The following PCDHA5 variants were observed in gnomAD, a reference collection of about 807,000 sequenced individuals.
The protein encoded by PCDHA5 is protocadherin alpha-5.
PCDHA5 carries 43 observed loss-of-function variants against 61.6 expected under a neutral mutation model. That is an observed-to-expected ratio of 0.70 (90% confidence interval 0.55 to 0.90). The LOEUF is 0.90. PCDHA5 is among the 40% of genes least tolerant of loss of function. The probability of loss-of-function intolerance (pLI) is 0.00; values close to 1 mark genes in which losing one functional copy is unlikely to be tolerated. For synonymous variants in PCDHA5, 627 were observed against 543.9 expected (o/e 1.15, Z -2.13); for missense variants, 1,298 against 1,222.7 (o/e 1.06, Z -0.92).
intron 3 of PCDHA5, among the ~76,000 whole-genome samples, chr5:140,990,165 G>A (rs2097378132): frequency 6.6e-6 from 1 of 152,126 alleles, no homozygotes; most frequent in African/African-American, 2.4e-5. Flanking sequence ...GTTAGGGTAT[G>A]AAAAGGTGAC....
In PCDHA5 at chr5:140,821,698, T is replaced by C. The variant is rs1554128149; in HGVS notation, c.-78T>C. 7.1e-7 allele frequency: 1 copy of C among 1,403,310 alleles called. No homozygotes were observed. The highest frequency in any genetic ancestry group is 1.4e-5 in the African/African-American group (1 of 69,276). 86.9% of individuals were successfully genotyped at this position (1,403,310 alleles called of 1,614,324 possible). Reference sequence around the variant, plus strand: ...GAAAGGCGATAATATAAAAAATATATAGTTAATTGGGAATTGAATTTACAA... The same window carrying C: ...GAAAGGCGATAATATAAAAAATATACAGTTAATTGGGAATTGAATTTACAA... On this transcript the variant is annotated 5_prime_UTR_variant, in exon 1 of 4. Coordinates refer to ENST00000529859, the MANE Select transcript of PCDHA5 (RefSeq NM_018908.3).
intron 1 of PCDHA5, chr5:140,862,752 G>A (rs554442218): frequency 5.2e-6 from 3 of 577,754 alleles, no homozygotes; most frequent in East Asian, 4.7e-5. Flanking sequence ...TGCACGCGGA[G>A]AGCGGCAAGA....
At chr5:140,829,781 G>A (rs1554132238) in intron 1 of PCDHA5, 4 of 1,613,710 alleles carry the variant, frequency 2.5e-6, no homozygotes, top group African/African-American at 2.7e-5. Context: ...CAACGCGCCG[G>A]CGCTGCTGGC....
At chr5:140,987,982 C>T (rs781838400) in intron 3 of PCDHA5, among the ~76,000 whole-genome samples, 16 of 152,206 alleles carry the variant, frequency 1.1e-4, no homozygotes, top group Non-Finnish European at 1.5e-4. Flanking sequence ...TCCATGGAGA[C>T]TCCATCTCTG....
At chr5:140,883,522 A>G in intron 1 of PCDHA5, 1 of 1,614,220 alleles carries the variant, frequency 6.2e-7, no homozygotes, top group Middle Eastern at 1.7e-4. Flanking sequence ...GCGAGAGCGT[A>G]TCAGCCTATG....
intron 1 of PCDHA5, among the ~76,000 whole-genome samples, chr5:140,925,358 C>A (rs1554202714): frequency 8.5e-5 from 13 of 152,094 alleles, no homozygotes; most frequent in Non-Finnish European, 1.9e-4. Flanking sequence ...GAATTTAGTG[C>A]TTCATAGTCA....
rs149764673 is a variant in PCDHA5 at position 140,835,585 on chromosome 5, T to A, written c.2352+11458T>A. 1.9e-6 allele frequency: 3 copies of A among 1,613,790 alleles called. No individual in the cohort carries two copies. The highest frequency in any genetic ancestry group is 1.3e-5 in the African/African-American group (1 of 74,926). On this transcript the variant is annotated intron_variant, in intron 1 of 3. Transcript: ENST00000529859. ...GTTCCCTTCAAGTTGGTGTCCACCT[T>A]CAAGAATTACTATTCATTGGTGCTG...
chr5:140,829,603 G>T lies in PCDHA5; in HGVS notation c.2352+5476G>T, dbSNP rs2150171045. On this transcript the variant is annotated intron_variant, in intron 1 of 3. Transcript: ENST00000529859. ...AGCGGCGGGTGGGCGAGCGCGCGTT[G>T]TCGAGCTACATTTCGGTGCACGCGG... The T allele has an allele frequency of 1.9e-6, 3 of 1,612,072 alleles. No individual in the cohort carries two copies. In the South Asian group the frequency reaches 3.3e-5, roughly 18 times the overall value.
intron 1 of PCDHA5, chr5:140,869,089 C>G: frequency 6.3e-7 from 1 of 1,588,998 alleles, no homozygotes; most frequent in Non-Finnish European, 8.6e-7. Context: ...ATTTTGGAAG[C>G]CAATTTCGTA....
intron 1 of PCDHA5, chr5:140,878,061 AT>A (rs2057460632): frequency 2.4e-6 from 1 of 424,416 alleles, no homozygotes; most frequent in Non-Finnish European, 3.8e-6. Context: ...CACACTTAAT[AT>A]TTTTCTTTTT....
intron 1 of PCDHA5, chr5:140,829,303 C>T: frequency 1.2e-6 from 2 of 1,614,248 alleles, no homozygotes; most frequent in Non-Finnish European, 1.7e-6. Context: ...TCAAGAATTA[C>T]TACTCGTTGG....
intron 1 of PCDHA5, chr5:140,836,028 G>A: frequency 6.2e-7 from 1 of 1,613,510 alleles, no homozygotes; most frequent in Non-Finnish European, 8.5e-7. Context: ...GGGCAGCAAC[G>A]TGACGCTGCA....
chr5:140,843,146 T>C (rs2150353849), intron 1 of PCDHA5: 3 of 1,596,012 alleles, frequency 1.9e-6, no homozygotes, highest in Admixed American at 3.4e-5. Context: ...GTGGCTTTCG[T>C]ATGAGCTGCA....
chr5:140,948,468 CT>C (rs1173060430), intron 1 of PCDHA5, among the ~76,000 whole-genome samples: 1 of 151,468 alleles, frequency 6.6e-6, no homozygotes, highest in African/African-American at 2.4e-5. Flanking sequence ...GGGAAAGTTT[CT>C]GATAATAAAT....
At chr5:140,832,109 C>T (rs2150199824) in intron 1 of PCDHA5, among the ~76,000 whole-genome samples, 14 of 152,240 alleles carry the variant, frequency 9.2e-5, no homozygotes, top group African/African-American at 3.4e-4. Flanking sequence ...ACATTAAAAG[C>T]AATTTAAAAT....
chr5:140,941,259 T>G (rs368206632), intron 1 of PCDHA5, among the ~76,000 whole-genome samples: 1 of 121,734 alleles, frequency 8.2e-6, no homozygotes, highest in Non-Finnish European at 1.8e-5. Flanking sequence ...TTCTTTCTCT[T>G]TCTTTCTTTC....
At chr5:140,951,541 G>C (rs1029557427) in intron 1 of PCDHA5, among the ~76,000 whole-genome samples, 5 of 152,092 alleles carry the variant, frequency 3.3e-5, no homozygotes, top group African/African-American at 1.2e-4. Flanking sequence ...AGGAGCAAGG[G>C]ACGGGGGGAA....
intron 1 of PCDHA5, chr5:140,876,598 G>T: frequency 6.2e-7 from 1 of 1,614,168 alleles, no homozygotes; most frequent in Non-Finnish European, 8.5e-7. Flanking sequence ...TAGCGTGTCG[G>T]ATCGTGACTC....
Position 140,982,498 on chromosome 5 carries a change from G to A in PCDHA5, c.2435G>A (p.Gly812Asp), listed in dbSNP as rs782347331. The change falls in exon 3 of 4, where the codon GGC becomes GAC. Residue 812 changes from glycine to aspartate, a missense_variant. By Grantham distance (94) the Gly-to-Asp change is moderately conservative. Transcript: ENST00000529859. ...AGCTCTGTGCACCTAGAGGAGGCTG[G>A]CATTCTACGGGCTGGTCCAGGAGGG... Reference protein sequence around the residue: ...MHSSVHLEEAGILRAGPGGPD... With the variant: ...MHSSVHLEEADILRAGPGGPD... 6 of 1,614,062 alleles carry A rather than the reference G, an allele frequency of 3.7e-6. No homozygotes were observed. The Admixed American group carries it at 5.0e-5, about 13-fold the overall frequency.
Sources: allele counts gnomAD v4.1 joint callset (sites outside exome capture counted in the v4.1 genomes callset), GRCh38; gene constraint gnomAD v4.1.1; transcripts MANE v1.5; gene names NCBI Gene and HGNC (gene_info 2026-07-23, HGNC 2026-07-21).